The following ADAMTS12 variants were observed in gnomAD, a reference collection of about 807,000 sequenced individuals.
The protein encoded by ADAMTS12 is A disintegrin and metalloproteinase with thrombospondin motifs 12.
ADAMTS12 carries 118 observed loss-of-function variants against 167.8 expected under a neutral mutation model. The observed-to-expected ratio is 0.70, with a 90% CI of 0.61 to 0.82. ADAMTS12 has a LOEUF of 0.82. Ranked by LOEUF, ADAMTS12 falls within the 40% of genes least tolerant of loss-of-function variation. The pLI is 0.00. For missense variants in ADAMTS12, 1,916 were observed against 1,998.8 expected (o/e 0.96, Z 0.79); for synonymous variants, 704 against 716.9 (o/e 0.98, Z 0.29).
intron 11 of ADAMTS12, among the ~76,000 whole-genome samples, chr5:33,638,762 C>A (rs535685190): frequency 6.6e-6 from 1 of 152,178 alleles, no homozygotes; most frequent in East Asian, 1.9e-4. Context: ...ATAGGAGGCT[C>A]TTAATAGATA....
At chr5:33,650,655 C>A (rs967164998) in intron 7 of ADAMTS12, among the ~76,000 whole-genome samples, 1 of 152,152 alleles carries the variant, frequency 6.6e-6, no homozygotes, top group African/African-American at 2.4e-5. Flanking sequence ...AGTGAAGCAG[C>A]CTTTAAGGGC....
chr5:33,853,421 C>G (rs1181676713), intron 2 of ADAMTS12, among the ~76,000 whole-genome samples: 1 of 152,138 alleles, frequency 6.6e-6, no homozygotes, highest in Non-Finnish European at 1.5e-5. Context: ...TGAGAAGAAC[C>G]AGCAGCTTTT....
chr5:33,550,813 C>G (rs1430059951), intron 20 of ADAMTS12, among the ~76,000 whole-genome samples: 1 of 152,088 alleles, frequency 6.6e-6, no homozygotes, highest in South Asian at 2.1e-4. Flanking sequence ...TGCCCTGTTC[C>G]GCATCACACC....
At chr5:33,662,145 G>T (rs1192147503) in intron 5 of ADAMTS12, 105 bp from the exon 6 acceptor site, 1 of 1,439,650 alleles carries the variant, frequency 6.9e-7, no homozygotes, top group East Asian at 2.4e-5. Flanking sequence ...ATGAATTCAG[G>T]GTGGGTGCAT....
At chr5:33,815,606 A>C (rs1327157190) in intron 2 of ADAMTS12, among the ~76,000 whole-genome samples, 2 of 152,204 alleles carry the variant, frequency 1.3e-5, no homozygotes, top group Non-Finnish European at 2.9e-5. Context: ...CTAAAAAAAG[A>C]AGATTTTAGA....
chr5:33,679,887 G>C (rs1742045849), intron 5 of ADAMTS12, among the ~76,000 whole-genome samples: 1 of 152,168 alleles, frequency 6.6e-6, no homozygotes, highest in Non-Finnish European at 1.5e-5. Context: ...CTGAACTCAG[G>C]TCAACTTGCT....
intron 7 of ADAMTS12, among the ~76,000 whole-genome samples, chr5:33,650,442 AC>A (rs989730432): frequency 2.6e-5 from 4 of 152,236 alleles, no homozygotes; most frequent in East Asian, 1.9e-4. Flanking sequence ...TTTTAAAAAA[AC>A]ATTCTTGTTT....
At chr5:33,715,074 A>G (rs1489921200) in intron 3 of ADAMTS12, among the ~76,000 whole-genome samples, 1 of 152,120 alleles carries the variant, frequency 6.6e-6, no homozygotes, top group African/African-American at 2.4e-5. Context: ...ATAAATATGT[A>G]CAATTATTAT....
intron 20 of ADAMTS12, 120 bp downstream of exon 20, chr5:33,560,907 C>T: frequency 7.7e-7 from 1 of 1,300,742 alleles, no homozygotes; most frequent in Non-Finnish European, 1.0e-6. Flanking sequence ...TACCCTAGAA[C>T]TTTAATTAAG....
chr5:33,781,687 CTT>C (rs147183333), intron 2 of ADAMTS12, among the ~76,000 whole-genome samples: 7 of 149,950 alleles, frequency 4.7e-5, no homozygotes, highest in African/African-American at 1.7e-4. Context: ...CCTGTAAACT[CTT>C]TTTTTTTTAT....
At position 33,662,041 on chromosome 5, in the gene ADAMTS12, C is replaced by T. The variant is rs1461305928; in HGVS notation, c.916-1G>A. The T allele has an allele frequency of 1.2e-6, 2 of 1,608,378 alleles. No homozygotes were observed. The highest frequency in any genetic ancestry group is 4.5e-5 in the East Asian group (2 of 44,848). On this transcript the variant is annotated splice_acceptor_variant, in intron 5 of 23. Transcript: ENST00000504830. LOFTEE classifies it high-confidence loss of function. ...CATGGTGAACTATTTTCAGTCCTTG[C>T]TGGAGAAAGAAGAGGAAGAGATTAG... is the stretch of plus-strand genomic sequence containing the variant.
At chr5:33,739,949 C>T (rs965070041) in intron 3 of ADAMTS12, among the ~76,000 whole-genome samples, 7 of 152,186 alleles carry the variant, frequency 4.6e-5, no homozygotes, top group Non-Finnish European at 4.4e-5. Flanking sequence ...GGGCTTTAAA[C>T]CACATTGGTG....
chr5:33,719,465 T>C (rs1173803813), intron 3 of ADAMTS12, among the ~76,000 whole-genome samples: 2 of 152,214 alleles, frequency 1.3e-5, no homozygotes, highest in African/African-American at 4.8e-5. Flanking sequence ...CCCTTTGACC[T>C]AGCAATTCCA....
At chr5:33,805,622 A>G (rs1295850015) in intron 2 of ADAMTS12, among the ~76,000 whole-genome samples, 1 of 152,222 alleles carries the variant, frequency 6.6e-6, no homozygotes, top group Non-Finnish European at 1.5e-5. Flanking sequence ...GCTTTCATCA[A>G]GCTCACAGAA....
At chr5:33,872,871 G>A (rs755313512) in intron 2 of ADAMTS12, among the ~76,000 whole-genome samples, 39 of 152,056 alleles carry the variant, frequency 2.6e-4, no homozygotes, top group Non-Finnish European at 4.7e-4. Flanking sequence ...ATAGATGGAG[G>A]ACAAACACTT....
chr5:33,552,096 T>C (rs1745274369), intron 20 of ADAMTS12, among the ~76,000 whole-genome samples: 1 of 152,230 alleles, frequency 6.6e-6, no homozygotes, highest in African/African-American at 2.4e-5. Flanking sequence ...ATTCCTGTGA[T>C]TTGCACAGCA....
At chr5:33,575,101 T>A (rs2111957375) in intron 19 of ADAMTS12, among the ~76,000 whole-genome samples, 1 of 152,312 alleles carries the variant, frequency 6.6e-6, no homozygotes, top group African/African-American at 2.4e-5. Context: ...GCCAGCATGA[T>A]GTCATCATGC....
chr5:33,799,272 T>G (rs565720639), intron 2 of ADAMTS12, among the ~76,000 whole-genome samples: 2 of 152,160 alleles, frequency 1.3e-5, no homozygotes, highest in Non-Finnish European at 2.9e-5. Flanking sequence ...CACAGAATGT[T>G]TACTACTTTA....
intron 16 of ADAMTS12, among the ~76,000 whole-genome samples, chr5:33,602,716 A>G (rs887965335): frequency 2.0e-5 from 3 of 152,224 alleles, no homozygotes; most frequent in Admixed American, 6.5e-5. Context: ...TTTACCAAGG[A>G]TATGTGGACA....
Sources: gnomAD v4.1 joint callset for allele counts (sites outside exome capture counted in the v4.1 genomes callset) on GRCh38, gnomAD v4.1.1 for gene constraint, MANE v1.5 for transcripts, NCBI Gene and HGNC (gene_info 2026-07-23, HGNC 2026-07-21) for gene names.